The following CTTNBP2 variants were observed in gnomAD, a reference collection of about 807,000 sequenced individuals.
CTTNBP2 encodes cortactin binding protein 2.
A neutral mutation model predicts 156.9 loss-of-function variants in CTTNBP2; 108 were observed. The ratio of observed to expected loss-of-function variants is 0.69; its 90% CI spans 0.59 to 0.81. The LOEUF is 0.81. CTTNBP2 is among the 30% of genes least tolerant of loss of function. The probability of loss-of-function intolerance (pLI) is 0.00; values close to 1 mark genes in which losing one functional copy is unlikely to be tolerated. For synonymous variants in CTTNBP2, 767 were observed against 751.8 expected, an observed-to-expected ratio of 1.02 and a Z score of -0.33; for missense variants, 1,924 against 2,035.4, an observed-to-expected ratio of 0.95 and a Z score of 1.05.
intron 2 of CTTNBP2, among the ~76,000 whole-genome samples, chr7:117,819,335 C>T (rs1203492320): frequency 6.6e-6 from 1 of 150,606 alleles, no homozygotes; most frequent in African/African-American, 2.4e-5. Flanking sequence ...TACACATTCA[C>T]ATACTCTTTC....
At chr7:117,766,184 G>A (rs10254610) in intron 9 of CTTNBP2, among the ~76,000 whole-genome samples, 68,121 of 152,050 alleles carry the variant, frequency 0.45, 19,879 homozygotes, top group African/African-American at 0.82. Context: ...GAGAAATTCT[G>A]TATAAGACAC....
Position 117,724,565 on chromosome 7 carries a change from G to T in CTTNBP2, c.4429C>A (p.Pro1477Thr), listed in dbSNP as rs1225904592. The change falls in exon 19 of 23, where the codon CCA becomes ACA. Residue 1477 changes from proline (P) to threonine (T), a missense_variant. By Grantham distance (38) the Pro-to-Thr change is conservative. Coordinates refer to ENST00000160373, the MANE Select transcript of CTTNBP2 (RefSeq NM_033427.3). ...GRFSLPTWNK[P>T]DLSTEGMKNK... is the part of the protein sequence containing the mutation. Reference sequence around the variant, plus strand: ...CCTTTACCTTCAGTGCTTAGGTCTGGCTTATTCCAGGTGGGTAAAGAGAAG... The same window carrying T: ...CCTTTACCTTCAGTGCTTAGGTCTGTCTTATTCCAGGTGGGTAAAGAGAAG... 3.1e-6 allele frequency: 5 copies of T among 1,613,702 alleles called. No individual in the cohort carries two copies. The highest frequency in any genetic ancestry group is 1.3e-5 in the African/African-American group (1 of 75,032).
At chr7:117,863,395 T>C (rs540877858) in intron 1 of CTTNBP2, among the ~76,000 whole-genome samples, 1 of 152,352 alleles carries the variant, frequency 6.6e-6, no homozygotes, top group Non-Finnish European at 1.5e-5. Flanking sequence ...ATGTACCAAG[T>C]CTCAGTTTCT....
chr7:117,759,019 A>G (rs1797043120), intron 10 of CTTNBP2, among the ~76,000 whole-genome samples: 1 of 152,198 alleles, frequency 6.6e-6, no homozygotes, highest in South Asian at 2.1e-4. Context: ...CTGGGCCAGA[A>G]CCACAGTTTG....
chr7:117,847,479 G>A (rs536659710), intron 2 of CTTNBP2, among the ~76,000 whole-genome samples: 1 of 152,296 alleles, frequency 6.6e-6, no homozygotes, highest in South Asian at 2.1e-4. Context: ...ATGTTGCAGT[G>A]AGCTAAGATC....
chr7:117,864,696 ATT>A (rs1168562003), intron 1 of CTTNBP2, among the ~76,000 whole-genome samples: 2 of 145,096 alleles, frequency 1.4e-5, no homozygotes, highest in African/African-American at 5.0e-5. Flanking sequence ...ATTCATATAT[ATT>A]CATATATTCA....
intron 3 of CTTNBP2, among the ~76,000 whole-genome samples, chr7:117,806,744 A>ATTTTTTTTTTTTTTT: frequency 8.4e-6 from 1 of 119,226 alleles, no homozygotes; most frequent in Non-Finnish European, 1.7e-5. Flanking sequence ...TCTTTTTCTC[A>ATTTTTTTTTTTTTTT]TTTTTTTTTT....
chr7:117,716,627 C>T (rs1794394590), intron 22 of CTTNBP2, among the ~76,000 whole-genome samples: 1 of 152,118 alleles, frequency 6.6e-6, no homozygotes, highest in African/African-American at 2.4e-5. Context: ...GGTCATCCTC[C>T]AAATTTTGCT....
intron 1 of CTTNBP2, among the ~76,000 whole-genome samples, chr7:117,863,140 A>C (rs894645029): frequency 1.3e-5 from 2 of 152,236 alleles, no homozygotes; most frequent in African/African-American, 4.8e-5. Flanking sequence ...CTGGAAAGAG[A>C]TATGACGGTA....
In CTTNBP2 at chr7:117,777,671, G is replaced by A. The variant is rs768346442; in HGVS notation, c.2618C>T (p.Ser873Phe). Residue 873 changes from serine (S) to phenylalanine (F), a missense_variant, in exon 8 of 23, where the codon TCT (serine) becomes TTT (phenylalanine). Coordinates refer to ENST00000160373, the MANE Select transcript of CTTNBP2 (RefSeq NM_033427.3). Reference protein sequence around the residue: ...MYHRIPAHGNSFNEEESESSV... With the variant: ...MYHRIPAHGNFFNEEESESSV... ...TGACTCGGACTCCTCCTCATTGAAAGAATTTCCATGAGCTGGTATTCTATG... is the reference window on the plus strand; with the variant it reads ...TGACTCGGACTCCTCCTCATTGAAAAAATTTCCATGAGCTGGTATTCTATG... 1 of 1,613,954 alleles carries A rather than the reference G, an allele frequency of 6.2e-7. No homozygotes were observed. Among genetic ancestry groups the A allele is most frequent in the Middle Eastern group, 1.7e-4 (1 of 6,060 alleles).
At chr7:117,746,142 T>A (rs368687259) in intron 12 of CTTNBP2, 43 bp from the exon 13 acceptor site, 3 of 1,386,732 alleles carry the variant, frequency 2.2e-6, no homozygotes, top group South Asian at 1.2e-5. Context: ...AGATGCTAAA[T>A]TGATGAGAGA....
chr7:117,793,742 T>C (rs1028877316), intron 3 of CTTNBP2: 6 of 152,212 alleles, frequency 3.9e-5, no homozygotes, highest in Non-Finnish European at 8.8e-5. Context: ...GCCCTTAGGA[T>C]TGGTGCTTTC....
Position 117,713,247 on chromosome 7 carries a change from C to CT in CTTNBP2, c.4747-1466dup, listed in dbSNP as rs1287191436. On this transcript the variant is annotated intron_variant, in intron 22 of 22. Transcript: ENST00000160373. Reference sequence around the variant, plus strand: ...AAATGGTAGCATTTTTCTTAGCCCTCTATAAGTCACACATTGATAATCTTT... The same window carrying CT: ...AAATGGTAGCATTTTTCTTAGCCCTCTTATAAGTCACACATTGATAATCTTT... Among the ~76,000 whole-genome samples the CT allele has an allele frequency of 7.2e-5, 11 of 152,288 alleles. No homozygotes were observed. In the East Asian group the frequency reaches 1.4e-3, roughly 19 times the overall value.
chr7:117,766,484 G>A (rs1185201004), intron 9 of CTTNBP2, among the ~76,000 whole-genome samples: 1 of 152,152 alleles, frequency 6.6e-6, no homozygotes, highest in African/African-American at 2.4e-5. Context: ...TTGAATTACT[G>A]ATACAGCTGG....
At chr7:117,799,542 A>G (rs935875764) in intron 3 of CTTNBP2, among the ~76,000 whole-genome samples, 1 of 152,038 alleles carries the variant, frequency 6.6e-6, no homozygotes, top group Non-Finnish European at 1.5e-5. Context: ...CACAGCTAAC[A>G]TTGTACTTAA....
chr7:117,852,635 A>G (rs573916477), intron 2 of CTTNBP2, among the ~76,000 whole-genome samples: 1 of 152,328 alleles, frequency 6.6e-6, no homozygotes. Flanking sequence ...TTGCCATTCA[A>G]TAGGATCTTA....
chr7:117,802,227 A>T (rs1275879087), intron 3 of CTTNBP2, among the ~76,000 whole-genome samples: 2 of 151,992 alleles, frequency 1.3e-5, no homozygotes, highest in African/African-American at 4.8e-5. Flanking sequence ...CAATTATATA[A>T]GAAACAGATA....
intron 14 of CTTNBP2, among the ~76,000 whole-genome samples, chr7:117,738,722 T>G (rs555375535): frequency 1.3e-5 from 2 of 152,244 alleles, no homozygotes; most frequent in South Asian, 4.2e-4. Context: ...ATGTGTTTGA[T>G]GAGTGAAGCA....
intron 17 of CTTNBP2, among the ~76,000 whole-genome samples, chr7:117,727,551 A>C (rs1291178093): frequency 6.6e-6 from 1 of 152,206 alleles, no homozygotes; most frequent in Non-Finnish European, 1.5e-5. Flanking sequence ...ATGGCACCAG[A>C]AACTATAGAA....
Sources: allele counts gnomAD v4.1 joint callset (sites outside exome capture counted in the v4.1 genomes callset), GRCh38; gene constraint gnomAD v4.1.1; transcripts MANE v1.5; gene names NCBI Gene and HGNC (gene_info 2026-07-23, HGNC 2026-07-21).